The following PTPRZ1 variants were observed in gnomAD, a reference collection of about 807,000 sequenced individuals.
PTPRZ1 encodes receptor-type tyrosine-protein phosphatase zeta.
PTPRZ1 carries 82 observed loss-of-function variants against 214.1 expected under a neutral mutation model. That is an observed-to-expected ratio of 0.38 (90% CI 0.32 to 0.46). The LOEUF is 0.46. Ranked by LOEUF, PTPRZ1 falls within the 20% of genes least tolerant of loss-of-function variation. The pLI is 1.00. For missense variants in PTPRZ1, 2,603 were observed against 2,748.7 expected, an observed-to-expected ratio of 0.95 and a Z score of 1.19; for synonymous variants, 945 against 987.9, an observed-to-expected ratio of 0.96 and a Z score of 0.81.
At chr7:121,928,013 G>A in intron 1 of PTPRZ1, 143 bp from the exon 2 acceptor site, 2 of 653,500 alleles carry the variant, frequency 3.1e-6, no homozygotes, top group East Asian at 5.2e-5. Context: ...TAATGGTGGT[G>A]GTTGAGGTTG....
chr7:121,886,053 A>G (rs1794384216), intron 1 of PTPRZ1, among the ~76,000 whole-genome samples: 1 of 152,124 alleles, frequency 6.6e-6, no homozygotes, highest in South Asian at 2.1e-4. Flanking sequence ...GGTTTTTAAA[A>G]CATGAGGCTT....
chr7:122,061,378 ATG>A lies in PTPRZ1; in HGVS notation c.*163_*164del. The A allele has an allele frequency of 1.9e-6, 1 of 536,488 alleles. No individual in the cohort carries two copies. The highest frequency in any genetic ancestry group is 3.5e-5 in the East Asian group (1 of 28,702). 33.2% of individuals were successfully genotyped at this position (536,488 alleles called of 1,614,324 possible). A position where few individuals can be genotyped will look rare whatever the true frequency, so the allele number is the denominator to read the frequency against. On this transcript the variant is annotated 3_prime_UTR_variant, in exon 30 of 30. Transcript: ENST00000393386. Reference sequence around the variant, plus strand: ...TGCCGCCAAATTTATATCATTAACAATGTGTGCCTTTTTGCAAGACTTGTAAT... The same window carrying A: ...TGCCGCCAAATTTATATCATTAACAATGTGCCTTTTTGCAAGACTTGTAAT...
intron 8 of PTPRZ1, among the ~76,000 whole-genome samples, chr7:121,994,289 CTTTTTT>C (rs35332072): frequency 4.0e-5 from 3 of 75,346 alleles, no homozygotes; most frequent in East Asian, 4.8e-4. Context: ...TAATGCATTT[CTTTTTT>C]TTTTTTTTTT....
At chr7:121,897,460 G>C (rs1224806247) in intron 1 of PTPRZ1, among the ~76,000 whole-genome samples, 1 of 152,112 alleles carries the variant, frequency 6.6e-6, no homozygotes, top group Non-Finnish European at 1.5e-5. Flanking sequence ...TGCTGCCATG[G>C]TGCTTTCAGA....
intron 1 of PTPRZ1, chr7:121,908,410 T>G (rs763529944): frequency 2.6e-6 from 1 of 379,120 alleles, no homozygotes; most frequent in South Asian, 2.0e-5. Context: ...AATTTTATCC[T>G]ATTTTTTCTC....
intron 13 of PTPRZ1, 114 bp from the exon 14 acceptor site, chr7:122,028,438 T>G (rs1017477303): frequency 3.6e-5 from 25 of 702,324 alleles, no homozygotes; most frequent in Non-Finnish European, 5.3e-5. Context: ...CTTCTGGGTA[T>G]ATACCTGCTT....
chr7:121,969,618 G>C (rs1326324041), intron 3 of PTPRZ1, among the ~76,000 whole-genome samples: 1 of 150,618 alleles, frequency 6.6e-6, no homozygotes, highest in African/African-American at 2.4e-5. Flanking sequence ...ATCAGTGCCT[G>C]ATATGTAATA....
intron 14 of PTPRZ1, 47 bp from the exon 15 acceptor site, chr7:122,031,427 A>T (rs769342925): frequency 7.3e-7 from 1 of 1,373,040 alleles, no homozygotes; most frequent in Non-Finnish European, 1.0e-6. Flanking sequence ...AGGTACGTTT[A>T]TTTCTGTTAA....
intron 21 of PTPRZ1, among the ~76,000 whole-genome samples, chr7:122,041,493 A>AC (rs1799732367): frequency 6.8e-6 from 1 of 148,032 alleles, no homozygotes; most frequent in Admixed American, 6.6e-5. Context: ...TTGAGTTTTA[A>AC]TACATTACAT....
At chr7:122,032,484 C>T (rs905222092) in intron 15 of PTPRZ1, among the ~76,000 whole-genome samples, 2 of 152,086 alleles carry the variant, frequency 1.3e-5, no homozygotes, top group Non-Finnish European at 2.9e-5. Context: ...CTGGCCATTC[C>T]CCACTAGAGA....
rs553853277 is a variant in PTPRZ1 at position 122,012,545 on chromosome 7, C to A, written c.3499C>A (p.Leu1167Ile). Reference protein sequence around the residue: ...SSEMLSPSTQLLFYETSASFS... With the variant: ...SSEMLSPSTQILFYETSASFS... ...TGAAATGTTATCTCCTTCAACTCAG[C>A]TCTTATTTTATGAGACCTCAGCTTC... The change falls in exon 12 of 30, where the codon CTC becomes ATC. Residue 1167 changes from leucine (L) to isoleucine (I), a missense_variant. Physicochemically the swap from Leu to Ile is conservative, Grantham distance 5. Around this residue, in one of 6 missense-constraint regions of PTPRZ1, gnomAD observed 1,913 missense variants for 1,914.3 expected, o/e 1.00. Transcript: ENST00000393386. 3.1e-6 allele frequency: 5 copies of A among 1,614,122 alleles called. No homozygotes were observed. The East Asian group carries it at 8.9e-5, about 29-fold the overall frequency.
In PTPRZ1 at chr7:122,010,670, T is replaced by G; in HGVS notation, c.1624T>G (p.Ser542Ala). The change falls in exon 12 of 30, where the codon TCT (serine) becomes GCT (alanine). Residue 542 changes from serine (S) to alanine (A), a missense_variant. This residue lies in a region of PTPRZ1 where 1,913 missense variants were observed against 1,914.3 expected (regional missense o/e 1.00). Coordinates refer to ENST00000393386, the MANE Select transcript of PTPRZ1 (RefSeq NM_002851.3). ...EGTSASLNDG[S>A]KTVLRSPHMN... is the part of the protein sequence containing the mutation. ...TACTTCAGCCTCTTTAAATGATGGC[T>G]CTAAAACTGTTCTTAGATCTCCACA... The G allele has an allele frequency of 1.2e-6, 2 of 1,613,766 alleles. No homozygotes were observed. The highest frequency in any genetic ancestry group is 1.1e-5 in the South Asian group (1 of 91,058).
At chr7:121,909,842 G>A (rs1298255850) in intron 1 of PTPRZ1, among the ~76,000 whole-genome samples, 1 of 152,190 alleles carries the variant, frequency 6.6e-6, no homozygotes, top group Non-Finnish European at 1.5e-5. Flanking sequence ...TGAAAGAATT[G>A]AAAATGTGAC....
chr7:122,051,517 C>G lies in PTPRZ1; in HGVS notation c.6174C>G (p.Ile2058Met), dbSNP rs1391455475. The part of the protein sequence containing the change: ...NREKNRTSSI[I>M]PVERSRVGIS... ...AAAAGAATCGAACTTCTTCTATCATCCCTGGTAAGTTGTGTTGATCCTTGA... is the reference window on the plus strand; with the variant it reads ...AAAAGAATCGAACTTCTTCTATCATGCCTGGTAAGTTGTGTTGATCCTTGA... The change falls in exon 24 of 30, where the codon ATC becomes ATG. Residue 2058 changes from isoleucine (I) to methionine (M), a missense_variant. This residue lies in a region of PTPRZ1 where 134 missense variants were observed against 183.3 expected (regional missense o/e 0.73). Coordinates refer to ENST00000393386, the MANE Select transcript of PTPRZ1 (RefSeq NM_002851.3). 2 of 1,612,016 alleles carry G rather than the reference C, an allele frequency of 1.2e-6. No homozygotes were observed. Among genetic ancestry groups the G allele is most frequent in the Non-Finnish European group, 1.7e-6 (2 of 1,178,666 alleles).
intron 1 of PTPRZ1, among the ~76,000 whole-genome samples, chr7:121,920,122 C>T (rs1314800404): frequency 3.9e-5 from 6 of 152,060 alleles, no homozygotes; most frequent in South Asian, 2.1e-4. Flanking sequence ...GTGCTTTTCA[C>T]GGTAAATGTG....
intron 1 of PTPRZ1, among the ~76,000 whole-genome samples, chr7:121,913,395 T>G (rs2116316863): frequency 6.6e-6 from 1 of 152,316 alleles, no homozygotes; most frequent in South Asian, 2.1e-4. Flanking sequence ...ACATTATCAC[T>G]TTCTAACTGA....
chr7:121,902,796 G>A (rs1795006098), intron 1 of PTPRZ1, among the ~76,000 whole-genome samples: 1 of 152,038 alleles, frequency 6.6e-6, no homozygotes, highest in African/African-American at 2.4e-5. Context: ...AGAAGATAGT[G>A]TATTAATTTC....
At chr7:122,002,923 TA>T (rs1206621593) in intron 10 of PTPRZ1, among the ~76,000 whole-genome samples, 4 of 152,220 alleles carry the variant, frequency 2.6e-5, no homozygotes, top group African/African-American at 9.6e-5. Flanking sequence ...TTATTTTCAA[TA>T]AAACTAGGTA....
chr7:121,928,286 A>G (rs1795824094), intron 2 of PTPRZ1, 65 bp downstream of exon 2: 10 of 1,249,834 alleles, frequency 8.0e-6, no homozygotes, highest in Non-Finnish European at 1.1e-5. Flanking sequence ...CTATTTTTAT[A>G]TATAAAAGGA....
Sources: gnomAD v4.1 joint callset for allele counts (sites outside exome capture counted in the v4.1 genomes callset) on GRCh38, gnomAD v4.1.1 for gene constraint, gnomAD v4.1.1 regional missense constraint, MANE v1.5 for transcripts, NCBI Gene and HGNC (gene_info 2026-07-23, HGNC 2026-07-21) for gene names.